Variants in CDYL observed in about 807,000 individuals in gnomAD.
CDYL encodes chromodomain Y like.
CDYL carries 8 observed loss-of-function variants against 47.3 expected under a neutral mutation model. The ratio of observed to expected loss-of-function variants is 0.17; its 90% CI spans 0.10 to 0.31. The LOEUF (loss-of-function observed/expected upper bound fraction) is 0.31. Among genes scored for constraint, CDYL ranks in the 10% least tolerant of loss-of-function variants. CDYL has a pLI of 1.00. For synonymous variants in CDYL, 266 were observed against 265.0 expected (o/e 1.00, Z -0.04); for missense variants, 471 against 701.4 (o/e 0.67, Z 3.71).
intron 2 of CDYL, among the ~76,000 whole-genome samples, chr6:4,895,555 G>A (rs990187844): frequency 2.0e-5 from 3 of 151,142 alleles, no homozygotes; most frequent in Admixed American, 2.0e-4. Flanking sequence ...ATGTGTGTGT[G>A]TATATATATA....
upstream of CDYL, chr6:4,773,238 T>C (rs1000403760): frequency 2.2e-6 from 1 of 456,966 alleles, no homozygotes; most frequent in South Asian, 1.5e-5. This position sits in a 1 kb window ranked among gnomAD's most constrained non-coding sequence, Gnocchi z 4.6. Flanking sequence ...ATCGTCTCTC[T>C]TGTTGACCAC....
chr6:4,837,903 A>G (rs1282453277), intron 1 of CDYL, among the ~76,000 whole-genome samples: 2 of 150,740 alleles, frequency 1.3e-5, no homozygotes, highest in Admixed American at 6.6e-5. Flanking sequence ...CCTCTCCAGT[A>G]TCTAGGACTA....
chr6:4,873,599 T>C (rs926820204), intron 1 of CDYL, among the ~76,000 whole-genome samples: 15 of 152,194 alleles, frequency 9.9e-5, no homozygotes, highest in Non-Finnish European at 1.9e-4. Context: ...ATCATAGCAT[T>C]TCTCCTTTGT....
rs543683710 is a variant in CDYL, at chr6:4,876,452, A to G, written c.25-15261A>G. On this transcript the variant is annotated intron_variant, in intron 1 of 6. Transcript: ENST00000397588. ...AGTGGCTGTCCCATTTTAAAATCCT[A>G]CCAACGATGTATGAATGTCCTAGTT... Among the ~76,000 whole-genome samples, 327 of 152,262 alleles carry G rather than the reference A, an allele frequency of 2.1e-3. 1 individual carries two copies. Among genetic ancestry groups the G allele is most frequent in the African/African-American group, 7.3e-3 (303 of 41,548 alleles).
chr6:4,828,668 T>C (rs1318644193), intron 1 of CDYL, among the ~76,000 whole-genome samples: 1 of 152,222 alleles, frequency 6.6e-6, no homozygotes, highest in Non-Finnish European at 1.5e-5. Context: ...TCTTCAGATT[T>C]AGGAAGCTTT....
intron 2 of CDYL, among the ~76,000 whole-genome samples, chr6:4,728,901 C>T (rs912528903): frequency 6.6e-6 from 1 of 152,166 alleles, no homozygotes; most frequent in African/African-American, 2.4e-5. Context: ...CAGTTCCATG[C>T]CATTCCACTA....
intron 2 of CDYL, among the ~76,000 whole-genome samples, chr6:4,903,664 C>A (rs992327191): frequency 3.4e-4 from 51 of 152,156 alleles, no homozygotes; most frequent in South Asian, 4.1e-4. Flanking sequence ...CCCAGGCTCA[C>A]CTCCCCTCTC....
intron 1 of CDYL, among the ~76,000 whole-genome samples, chr6:4,849,682 GAA>G (rs74855632): frequency 2.4e-4 from 33 of 137,048 alleles, no homozygotes; most frequent in African/African-American, 6.2e-4. Context: ...GTCATGCCAG[GAA>G]AAAAAAAAAA....
At chr6:4,945,756 T>C (rs1758494141) in intron 5 of CDYL, among the ~76,000 whole-genome samples, 1 of 152,236 alleles carries the variant, frequency 6.6e-6, no homozygotes, top group African/African-American at 2.4e-5. Context: ...GCCGACGCCC[T>C]ACCAGGCTGG....
chr6:4,783,215 C>T (rs1758663193), intron 1 of CDYL, among the ~76,000 whole-genome samples: 1 of 146,406 alleles, frequency 6.8e-6, no homozygotes, highest in African/African-American at 2.5e-5. Flanking sequence ...TTAGAGATTT[C>T]TTTAGTGAGG....
chr6:4,835,889 G>A (rs139814590), intron 1 of CDYL, among the ~76,000 whole-genome samples: 3,446 of 152,260 alleles, frequency 0.023, 136 homozygotes, highest in African/African-American at 0.078. Context: ...AGCCAGGTGC[G>A]GGATATAATC....
intron 1 of CDYL, among the ~76,000 whole-genome samples, chr6:4,807,641 T>TCATCCAGGCTGG (rs1177145856): frequency 8.0e-6 from 1 of 124,800 alleles, no homozygotes; most frequent in East Asian, 2.8e-4. Flanking sequence ...TCTTGCACTG[T>TCATCCAGGCTGG]CATCCAGGCT....
At chr6:4,928,858 T>TTGTATAGTATG (rs1258818524) in intron 2 of CDYL, 5 of 152,238 alleles carry the variant, frequency 3.3e-5, no homozygotes, top group African/African-American at 9.6e-5. Flanking sequence ...TTTAATATAT[T>TTGTATAGTATG]TGTATAGTAT....
intron 1 of CDYL, among the ~76,000 whole-genome samples, chr6:4,851,951 C>G (rs1021468441): frequency 1.3e-5 from 2 of 151,914 alleles, no homozygotes; most frequent in Non-Finnish European, 2.9e-5. Flanking sequence ...TGTCAGTCCC[C>G]TACTTTTATT....
intron 2 of CDYL, among the ~76,000 whole-genome samples, chr6:4,928,485 T>C (rs1757944259): frequency 6.6e-6 from 1 of 152,236 alleles, no homozygotes; most frequent in African/African-American, 2.4e-5. Flanking sequence ...CTAAGCTATC[T>C]CACAACATCT....
intron 1 of CDYL, among the ~76,000 whole-genome samples, chr6:4,799,351 T>C (rs897188463): frequency 2.6e-5 from 4 of 152,236 alleles, no homozygotes; most frequent in Admixed American, 2.6e-4. Context: ...GTTCTGTGTG[T>C]ATTTGAAAAG....
chr6:4,896,725 C>T (rs939445659), intron 2 of CDYL, among the ~76,000 whole-genome samples: 3 of 152,138 alleles, frequency 2.0e-5, no homozygotes, highest in East Asian at 1.9e-4. Flanking sequence ...ACTTTCTAGA[C>T]TAATTTTAGA....
intron 1 of CDYL, among the ~76,000 whole-genome samples, chr6:4,831,743 A>T (rs1760150768): frequency 6.6e-6 from 1 of 151,800 alleles, no homozygotes; most frequent in African/African-American, 2.4e-5. Flanking sequence ...TATCCTCTTT[A>T]ATTTCATTGA....
intron 2 of CDYL, among the ~76,000 whole-genome samples, chr6:4,893,886 C>T (rs967871552): frequency 1.3e-5 from 2 of 152,206 alleles, no homozygotes; most frequent in African/African-American, 2.4e-5. Flanking sequence ...TTCTCCTCGG[C>T]CCAGGCCCTT....
Sources: gnomAD v4.1 joint callset for allele counts (sites outside exome capture counted in the v4.1 genomes callset) on GRCh38, gnomAD v4.1.1 for gene constraint, Gnocchi (gnomAD v3.1) non-coding constraint, MANE v1.5 for transcripts, NCBI Gene and HGNC (gene_info 2026-07-23, HGNC 2026-07-21) for gene names.